CEP63: variants seen among roughly 807,000 people sequenced by gnomAD.
The protein encoded by CEP63 is centrosomal protein of 63 kDa.
A neutral mutation model predicts 89.1 loss-of-function variants in CEP63; 84 were observed. The observed-to-expected ratio is 0.94, with a 90% confidence interval of 0.79 to 1.13. The LOEUF (loss-of-function observed/expected upper bound fraction) is 1.13. CEP63 is among the 50% of genes most tolerant of loss of function. CEP63 has a pLI of 0.00. For synonymous variants in CEP63, 267 were observed against 272.5 expected (o/e 0.98, Z 0.20); for missense variants, 838 against 813.3 (o/e 1.03, Z -0.37).
the CEP63 span, among the ~76,000 whole-genome samples, chr3:134,753,374 C>A: frequency 6.6e-5 from 10 of 152,322 alleles, no homozygotes; most frequent in South Asian, 6.2e-4. Context: ...GACTCCTGGG[C>A]CTTCCCAGCA....
At chr3:134,666,757 T>C in the CEP63 span, among the ~76,000 whole-genome samples, 1 of 152,198 alleles carries the variant, frequency 6.6e-6, no homozygotes, top group Non-Finnish European at 1.5e-5. Flanking sequence ...ACTCATTCAT[T>C]TATCCAGCTC....
chr3:134,551,855 T>C (rs1034823672), intron 11 of CEP63, 71 bp from the exon 12 acceptor site: 181 of 842,890 alleles, frequency 2.1e-4, no homozygotes, highest in Non-Finnish European at 3.2e-4. Flanking sequence ...GAAAATTCCA[T>C]GTGGAAAAAT....
intron 3 of CEP63, 143 bp from the exon 4 acceptor site, chr3:134,531,702 C>G: frequency 1.6e-6 from 1 of 634,680 alleles, no homozygotes; most frequent in East Asian, 2.9e-5. Context: ...TATTTGACTT[C>G]CTAAGAAGTG....
the CEP63 span, among the ~76,000 whole-genome samples, chr3:134,721,224 T>C: frequency 2.0e-5 from 3 of 151,850 alleles, no homozygotes; most frequent in South Asian, 4.1e-4. Flanking sequence ...AAGTATTTAT[T>C]CTTTTTGGTG....
At chr3:134,573,234 T>C (rs1256484510) in intron 11 of CEP63, among the ~76,000 whole-genome samples, 2 of 152,254 alleles carry the variant, frequency 1.3e-5, no homozygotes, top group East Asian at 3.8e-4. Context: ...TCTTTTGCTG[T>C]GCAGAAGTTC....
chr3:134,559,055 T>A, intron 13 of CEP63, 95 bp from the exon 14 acceptor site: 1 of 1,270,328 alleles, frequency 7.9e-7, no homozygotes, highest in Non-Finnish European at 1.1e-6. Context: ...GTAGCCTTAT[T>A]AGTTAGGCTA....
chr3:134,565,909 C>T (rs1009954174), downstream of CEP63, among the ~76,000 whole-genome samples: 4 of 152,094 alleles, frequency 2.6e-5, no homozygotes, highest in African/African-American at 9.7e-5. Flanking sequence ...ATAATCTGCA[C>T]AGCTCCCCCC....
chr3:134,487,094 ATTTT>A (rs1935814980), intron 1 of CEP63, among the ~76,000 whole-genome samples: 1 of 152,208 alleles, frequency 6.6e-6, no homozygotes, highest in East Asian at 1.9e-4. Flanking sequence ...AGAATTTATT[ATTTT>A]AATAAAGCAG....
chr3:134,719,352 G>T, the CEP63 span, among the ~76,000 whole-genome samples: 2 of 152,172 alleles, frequency 1.3e-5, no homozygotes, highest in South Asian at 2.1e-4. Flanking sequence ...ATTAGAATCT[G>T]CATTTTAACA....
Position 134,558,186 on chromosome 3 carries a change from G to A in CEP63, c.1512G>A (p.Glu504=). Residue 504 remains glutamate (E), a synonymous_variant, in exon 13 of 15, where the codon GAG becomes GAA. Transcript: ENST00000675561. ...SLADLQENYI[E]ALNKLVSENQ... ...CAGACCTCCAGGAGAATTATATTGA[G>A]GCATTAAATAAATTAGTGTCTGAAA... 1.2e-6 allele frequency: 2 copies of A among 1,613,584 alleles called. No individual in the cohort carries two copies. The highest frequency in any genetic ancestry group is 1.7e-6 in the Non-Finnish European group (2 of 1,179,742).
chr3:134,715,592 G>T, the CEP63 span, among the ~76,000 whole-genome samples: 1 of 149,442 alleles, frequency 6.7e-6, no homozygotes, highest in Non-Finnish European at 1.5e-5. Context: ...GGGTCTCACA[G>T]TGCATTGCAC....
the CEP63 span, among the ~76,000 whole-genome samples, chr3:134,695,139 G>A: frequency 1.3e-5 from 2 of 152,206 alleles, no homozygotes; most frequent in Non-Finnish European, 2.9e-5. Context: ...GGGGTAGGAG[G>A]TGGGAGGGAC....
chr3:134,738,249 T>TACACACACACACACACACACACAC, the CEP63 span, among the ~76,000 whole-genome samples: 1 of 145,596 alleles, frequency 6.9e-6, no homozygotes, highest in African/African-American at 2.6e-5. Context: ...TATTCCATCA[T>TACACACACACACACACACACACAC]ACACACACAC....
chr3:134,612,293 G>A, the CEP63 span, among the ~76,000 whole-genome samples: 4 of 152,362 alleles, frequency 2.6e-5, no homozygotes, highest in South Asian at 2.1e-4. Context: ...AGATCCCAGT[G>A]TTGTGATTTT....
chr3:134,512,524 G>A (rs1945221694), intron 3 of CEP63, among the ~76,000 whole-genome samples: 1 of 152,084 alleles, frequency 6.6e-6, no homozygotes, highest in Admixed American at 6.5e-5. Context: ...ACTTGTCACA[G>A]TAAATAAAAA....
At chr3:134,603,878 C>T in the CEP63 span, 8 of 1,614,030 alleles carry the variant, frequency 5.0e-6, no homozygotes, top group Non-Finnish European at 5.9e-6. Flanking sequence ...GGCCAGTTCA[C>T]CTTGGTGTTG....
At chr3:134,545,965 T>C (rs1953213923) in intron 7 of CEP63, 146 bp downstream of exon 7, 2 of 838,546 alleles carry the variant, frequency 2.4e-6, no homozygotes, top group African/African-American at 3.5e-5. Context: ...TTTACTAATA[T>C]TGTGACTTTA....
chr3:134,741,833 G>C, the CEP63 span, among the ~76,000 whole-genome samples: 1 of 152,120 alleles, frequency 6.6e-6, no homozygotes, highest in Non-Finnish European at 1.5e-5. Context: ...GTACTCCTTA[G>C]ACTCTCAGGG....
At chr3:134,607,658 T>G in the CEP63 span, 1 of 985,702 alleles carries the variant, frequency 1.0e-6, no homozygotes, top group South Asian at 4.7e-5. Context: ...CCTGCTTTTT[T>G]GTGACCAGTT....
Sources: gnomAD v4.1 joint callset for allele counts (sites outside exome capture counted in the v4.1 genomes callset) on GRCh38, gnomAD v4.1.1 for gene constraint, MANE v1.5 for transcripts, NCBI Gene and HGNC (gene_info 2026-07-23, HGNC 2026-07-21) for gene names.